SLC7A9: variants seen among roughly 807,000 people sequenced by gnomAD.
SLC7A9 encodes B(0,+)-type amino acid transporter 1.
Under a neutral mutation model 54.1 loss-of-function variants are expected in SLC7A9, and 38 were observed. The ratio of observed to expected loss-of-function variants is 0.70; its 90% CI spans 0.54 to 0.92. SLC7A9 has a LOEUF of 0.92. Among genes scored for constraint, SLC7A9 ranks in the 40% least tolerant of loss-of-function variants. SLC7A9 has a pLI of 0.00. For missense variants in SLC7A9, 537 were observed against 636.1 expected, an observed-to-expected ratio of 0.84 and a Z score of 1.68; for synonymous variants, 264 against 258.9, an observed-to-expected ratio of 1.02 and a Z score of -0.19.
At chr19:32,849,461 C>A (rs982348574) in intron 9 of SLC7A9, among the ~76,000 whole-genome samples, 128 of 151,772 alleles carry the variant, frequency 8.4e-4, no homozygotes, top group African/African-American at 2.9e-3. Flanking sequence ...GACACATACA[C>A]CCTCCCAAGA....
intron 5 of SLC7A9, 93 bp downstream of exon 5, chr19:32,862,368 T>A: frequency 6.4e-7 from 1 of 1,573,722 alleles, no homozygotes; most frequent in East Asian, 2.2e-5. Flanking sequence ...CCATGCTTCC[T>A]TGGAGATGGG....
At chr19:32,833,350 A>G in intron 11 of SLC7A9, 27 bp from the exon 12 acceptor site, 1 of 1,612,902 alleles carries the variant, frequency 6.2e-7, no homozygotes, top group Non-Finnish European at 8.5e-7. Flanking sequence ...GGTCATGGGT[A>G]CCCATTTTCT....
At chr19:32,847,571 G>A (rs113507200) in intron 9 of SLC7A9, among the ~76,000 whole-genome samples, 1 of 152,232 alleles carries the variant, frequency 6.6e-6, no homozygotes, top group South Asian at 2.1e-4. Context: ...TGGTGTACCT[G>A]AAAGTAACGG....
At chr19:32,868,792 C>T (rs1969054478) in intron 1 of SLC7A9, 147 bp from the exon 2 acceptor site, 1 of 565,700 alleles carries the variant, frequency 1.8e-6, no homozygotes, top group South Asian at 1.9e-5. Context: ...CAAAGCTCAG[C>T]TGCTTGCTTA....
At chr19:32,862,725 G>A (rs1031519475) in intron 4 of SLC7A9, 139 bp from the exon 5 acceptor site, 3 of 717,818 alleles carry the variant, frequency 4.2e-6, no homozygotes, top group South Asian at 5.8e-5. Flanking sequence ...GAGAGCAGTG[G>A]CATGATCTCA....
intron 9 of SLC7A9, among the ~76,000 whole-genome samples, chr19:32,851,980 A>G (rs1968481700): frequency 6.7e-6 from 1 of 149,516 alleles, no homozygotes. Flanking sequence ...ATGAGAACAC[A>G]TGGACACAGG....
Position 32,834,814 on chromosome 19 carries a change from A to G in SLC7A9, c.1225-1491T>C, listed in dbSNP as rs374056734. Among the ~76,000 whole-genome samples the G allele has an allele frequency of 3.4e-4, 51 of 152,204 alleles. No homozygotes were observed. In the East Asian group the frequency reaches 8.9e-3, roughly 27 times the overall value. On this transcript the variant is annotated intron_variant, in intron 11 of 12. Transcript: ENST00000023064. The stretch of plus-strand genomic sequence containing the variant: ...TTTTGTTTGTTTTGTTTCCCAAGAC[A>G]GAGTCTCGCTCTGTCGCTCAGGCTG...
intron 9 of SLC7A9, among the ~76,000 whole-genome samples, chr19:32,851,551 G>A (rs1968466640): frequency 6.6e-6 from 1 of 151,156 alleles, no homozygotes; most frequent in African/African-American, 2.4e-5. Context: ...GGAGAAATAG[G>A]AACACTTTTA....
At chr19:32,857,754 C>T (rs1968669222) in intron 9 of SLC7A9, among the ~76,000 whole-genome samples, 1 of 152,186 alleles carries the variant, frequency 6.6e-6, no homozygotes. Flanking sequence ...TTAAGTTATG[C>T]TACATCTGAA....
At chr19:32,849,066 C>T (rs1225688060) in intron 9 of SLC7A9, among the ~76,000 whole-genome samples, 2 of 151,756 alleles carry the variant, frequency 1.3e-5, no homozygotes, top group African/African-American at 4.8e-5. Flanking sequence ...GCACTAAATG[C>T]CCACAAGAGA....
chr19:32,859,658 C>T (rs925255878), intron 8 of SLC7A9, among the ~76,000 whole-genome samples, 183 bp downstream of exon 8: 2 of 152,164 alleles, frequency 1.3e-5, no homozygotes, highest in African/African-American at 4.8e-5. Context: ...GCTTGCCTGC[C>T]GAACCCTCAC....
chr19:32,860,013 GC>G, intron 7 of SLC7A9, 49 bp from the exon 8 acceptor site: 1 of 1,613,772 alleles, frequency 6.2e-7, no homozygotes, highest in South Asian at 1.1e-5. Context: ...ACAGCCTCCC[GC>G]GGAAGATGGA....
intron 2 of SLC7A9, among the ~76,000 whole-genome samples, chr19:32,866,794 G>A (rs941884507): frequency 6.6e-6 from 1 of 152,032 alleles, no homozygotes; most frequent in African/African-American, 2.4e-5. Flanking sequence ...TAAAGCCTTG[G>A]TGCCGTCCCT....
chr19:32,868,437 G>T lies in SLC7A9; in HGVS notation c.87+11C>A. 1 of 1,612,110 alleles carries T rather than the reference G, an allele frequency of 6.2e-7. No homozygotes were observed. Among genetic ancestry groups the T allele is most frequent in the Non-Finnish European group, 8.5e-7 (1 of 1,178,292 alleles). Reference sequence around the variant, plus strand: ...CCTGCAAAGGGCCTGCCCCACCAGAGACCGCCTTACCTCCTTTTGGAGACT... The same window carrying T: ...CCTGCAAAGGGCCTGCCCCACCAGATACCGCCTTACCTCCTTTTGGAGACT... On this transcript the variant is annotated intron_variant, in intron 2 of 12. Transcript: ENST00000023064.
intron 4 of SLC7A9, among the ~76,000 whole-genome samples, chr19:32,863,762 C>A (rs1968876225): frequency 6.6e-6 from 1 of 152,188 alleles, no homozygotes; most frequent in African/African-American, 2.4e-5. Context: ...CTGGAGATGA[C>A]CTTAGCCGGG....
intron 12 of SLC7A9, among the ~76,000 whole-genome samples, chr19:32,832,087 C>A (rs1267580501): frequency 1.3e-5 from 2 of 151,884 alleles, no homozygotes; most frequent in Non-Finnish European, 2.9e-5. Context: ...ACCAGCCTGG[C>A]CAACATGATG....
intron 11 of SLC7A9, 121 bp downstream of exon 11, chr19:32,842,047 G>T (rs1404741546): frequency 1.0e-5 from 10 of 967,782 alleles, no homozygotes; most frequent in South Asian, 9.5e-5. Context: ...TCTAAAATAC[G>T]ATATTTTAAA....
In SLC7A9 at chr19:32,862,662, T is replaced by TA. The variant is rs1373285286; in HGVS notation, c.479-77_479-76insT. ...GAGAGAGTCTCCTTTCTTTTATATATTTTTTATTTTTTTTTTTTTTTGAGA... is the reference window on the plus strand; with the variant it reads ...GAGAGAGTCTCCTTTCTTTTATATATATTTTTATTTTTTTTTTTTTTTGAGA... On this transcript the variant is annotated intron_variant, in intron 4 of 12. Coordinates refer to ENST00000023064, the MANE Select transcript of SLC7A9 (RefSeq NM_014270.5). The TA allele has an allele frequency of 2.3e-5, 30 of 1,301,656 alleles. No individual in the cohort carries two copies. In the African/African-American group the frequency reaches 3.8e-4, roughly 17 times the overall value. The allele number at this position is 1,301,656 out of a possible 1,614,324, so 80.6% of individuals were successfully genotyped here. A position where few individuals can be genotyped will look rare whatever the true frequency, so the allele number is the denominator to read the frequency against.
In SLC7A9 at chr19:32,868,501, C is replaced by T. The variant is rs1969045414; in HGVS notation, c.34G>A (p.Asp12Asn). The part of the protein sequence containing the change: ...GDTGLRKRRE[D>N]EKSIQSQEPK... ...TCTTGGCTCTGGATCGACTTCTCATCCTCTCTCCGCTTTCTCAGGCCAGTA... is the reference window on the plus strand; with the variant it reads ...TCTTGGCTCTGGATCGACTTCTCATTCTCTCTCCGCTTTCTCAGGCCAGTA... The change falls in exon 2 of 13, where the codon GAT (aspartate) becomes AAT (asparagine). Residue 12 changes from aspartate to asparagine, a missense_variant. By Grantham distance (23) the Asp-to-Asn change is conservative (BLOSUM62 1). Coordinates refer to ENST00000023064, the MANE Select transcript of SLC7A9 (RefSeq NM_014270.5). 6.2e-7 allele frequency: 1 copy of T among 1,614,122 alleles called. No homozygotes were observed. Among genetic ancestry groups the T allele is most frequent in the East Asian group, 2.2e-5 (1 of 44,872 alleles).
Sources: gnomAD v4.1 joint callset for allele counts (sites outside exome capture counted in the v4.1 genomes callset) on GRCh38, gnomAD v4.1.1 for gene constraint, MANE v1.5 for transcripts, NCBI Gene and HGNC (gene_info 2026-07-23, HGNC 2026-07-21) for gene names.